ATP6V1H: variants seen among roughly 807,000 people sequenced by gnomAD.
ATP6V1H encodes ATPase H+ transporting V1 subunit H.
Under a neutral mutation model 71.7 loss-of-function variants are expected in ATP6V1H, and 39 were observed. That is an observed-to-expected ratio of 0.54 (90% CI 0.42 to 0.71). ATP6V1H has a LOEUF of 0.71. Ranked by LOEUF, ATP6V1H falls within the 30% of genes least tolerant of loss-of-function variation. The pLI, the probability that ATP6V1H is intolerant of heterozygous loss-of-function variation, is 0.00. For synonymous variants in ATP6V1H, 192 were observed against 199.3 expected (o/e 0.96, Z 0.31); for missense variants, 509 against 594.9 (o/e 0.86, Z 1.50).
intron 13 of ATP6V1H, among the ~76,000 whole-genome samples, chr8:53,734,384 A>G (rs2130142049): frequency 1.3e-5 from 2 of 152,280 alleles, no homozygotes; most frequent in Middle Eastern, 6.8e-3. Context: ...GGAGAAAAAT[A>G]TGCAGGATAT....
rs150724720 is a variant in ATP6V1H at position 53,808,948 on chromosome 8, C to A, written c.579+2216G>T. ...CTTGTTTTATACTGACATCAAGTGG[C>A]AATAATTTGTAATGCAGTTTACCAA... On this transcript the variant is annotated intron_variant, in intron 7 of 13. Coordinates refer to ENST00000359530, the MANE Select transcript of ATP6V1H (RefSeq NM_015941.4). Among the ~76,000 whole-genome samples, 338 of 152,188 alleles carry A rather than the reference C, an allele frequency of 2.2e-3. 2 individuals are homozygous for A. The highest frequency in any genetic ancestry group is 7.9e-3 in the African/African-American group (327 of 41,524).
In ATP6V1H at chr8:53,772,980, CAAGT is replaced by C. The variant is rs775048540; in HGVS notation, c.871-817_871-814del. ...AAACTTGAATTTTTTTTTCTTTTTA[CAAGT>C]AAGTTCTATCCCTAATAATAAGGCT... On this transcript the variant is annotated intron_variant, in intron 9 of 13. Coordinates refer to ENST00000359530, the MANE Select transcript of ATP6V1H (RefSeq NM_015941.4). Among the ~76,000 whole-genome samples, 366 of 138,520 alleles carry C rather than the reference CAAGT, an allele frequency of 2.6e-3. 2 individuals are homozygous for C. Among genetic ancestry groups the C allele is most frequent in the Middle Eastern group, 0.015 (4 of 262 alleles). The allele number at this position is 138,520 out of a possible 152,430, so 90.9% of individuals were successfully genotyped here.
intron 11 of ATP6V1H, among the ~76,000 whole-genome samples, chr8:53,761,752 A>C (rs1387755819): frequency 6.6e-6 from 1 of 152,226 alleles, no homozygotes; most frequent in Non-Finnish European, 1.5e-5. Flanking sequence ...ATTTTCAGTA[A>C]TACACAGAAA....
At chr8:53,729,186 A>G (rs1585722116) in intron 13 of ATP6V1H, among the ~76,000 whole-genome samples, 1 of 150,530 alleles carries the variant, frequency 6.6e-6, no homozygotes, top group South Asian at 2.1e-4. Context: ...TGGCCAGCCC[A>G]GTTTTTGTTG....
intron 13 of ATP6V1H, among the ~76,000 whole-genome samples, chr8:53,733,089 C>T (rs1478765780): frequency 6.6e-6 from 1 of 152,154 alleles, no homozygotes; most frequent in African/African-American, 2.4e-5. Flanking sequence ...TGAAAGAATA[C>T]CCCAGCTTAT....
At chr8:53,773,735 AAC>A (rs1436135713) in intron 9 of ATP6V1H, among the ~76,000 whole-genome samples, 1 of 152,210 alleles carries the variant, frequency 6.6e-6, no homozygotes, top group South Asian at 2.1e-4. Context: ...CAGATACTAG[AAC>A]ACACAGACTT....
At chr8:53,735,422 A>G (rs898311401) in intron 13 of ATP6V1H, among the ~76,000 whole-genome samples, 11 of 152,246 alleles carry the variant, frequency 7.2e-5, no homozygotes, top group Non-Finnish European at 5.9e-5. Context: ...TACCAGCCAC[A>G]AAGTTCAGAA....
chr8:53,734,502 AGGTAAGACT>A (rs1423741598), intron 13 of ATP6V1H, among the ~76,000 whole-genome samples: 3 of 152,024 alleles, frequency 2.0e-5, no homozygotes, highest in Non-Finnish European at 4.4e-5. Context: ...AACTAAGTGT[AGGTAAGACT>A]GTGAACATCT....
intron 9 of ATP6V1H, among the ~76,000 whole-genome samples, chr8:53,791,415 T>C (rs1291527497): frequency 2.6e-5 from 4 of 152,140 alleles, no homozygotes; most frequent in African/African-American, 9.7e-5. Flanking sequence ...GGGCAAAAGA[T>C]CCATTCACAG....
intron 7 of ATP6V1H, among the ~76,000 whole-genome samples, chr8:53,807,460 C>T (rs1329032886): frequency 6.6e-6 from 1 of 151,982 alleles, no homozygotes; most frequent in African/African-American, 2.4e-5. Context: ...AAAACTAAGT[C>T]CTTTTTCCTC....
At chr8:53,719,891 C>A (rs1360899102) in intron 13 of ATP6V1H, among the ~76,000 whole-genome samples, 1 of 152,158 alleles carries the variant, frequency 6.6e-6, no homozygotes, top group African/African-American at 2.4e-5. Context: ...GCAGACACTT[C>A]CTTTTTCATA....
At chr8:53,789,798 T>G (rs141392199) in intron 9 of ATP6V1H, among the ~76,000 whole-genome samples, 1 of 152,136 alleles carries the variant, frequency 6.6e-6, no homozygotes, top group Non-Finnish European at 1.5e-5. Flanking sequence ...TCAAAAAATA[T>G]ATAACATACA....
chr8:53,731,229 G>A (rs904447295), intron 13 of ATP6V1H, among the ~76,000 whole-genome samples: 2 of 152,000 alleles, frequency 1.3e-5, no homozygotes, highest in Admixed American at 6.6e-5. Context: ...GCCTGATCCC[G>A]CCTGTTCCCA....
chr8:53,812,518 A>C (rs1327755351), intron 6 of ATP6V1H, among the ~76,000 whole-genome samples: 1 of 152,204 alleles, frequency 6.6e-6, no homozygotes, highest in East Asian at 1.9e-4. Flanking sequence ...GAGAGGCACA[A>C]TGTATCTGTT....
intron 4 of ATP6V1H, among the ~76,000 whole-genome samples, chr8:53,821,785 T>C (rs1810671585): frequency 6.6e-6 from 1 of 151,948 alleles, no homozygotes; most frequent in South Asian, 2.1e-4. Context: ...CCCACACAGA[T>C]ACAAAACTAC....
chr8:53,774,722 C>G (rs1027097782), intron 9 of ATP6V1H, among the ~76,000 whole-genome samples: 2 of 151,900 alleles, frequency 1.3e-5, no homozygotes, highest in African/African-American at 2.4e-5. Flanking sequence ...AGGAATGGCA[C>G]TAGAAAAATT....
intron 1 of ATP6V1H, 142 bp from the exon 2 acceptor site, chr8:53,841,867 T>C: frequency 1.3e-6 from 1 of 758,550 alleles, no homozygotes; most frequent in South Asian, 2.4e-5. Context: ...AGTCTGAAAG[T>C]ATCATTATAT....
At chr8:53,764,751 A>AG (rs1808392472) in intron 11 of ATP6V1H, among the ~76,000 whole-genome samples, 1 of 152,200 alleles carries the variant, frequency 6.6e-6, no homozygotes. Flanking sequence ...TACATCTATG[A>AG]GTCAGTTGTT....
intron 9 of ATP6V1H, among the ~76,000 whole-genome samples, chr8:53,785,185 C>T (rs10087783): frequency 0.83 from 126,427 of 151,852 alleles, 53,200 homozygotes; most frequent in African/African-American, 0.96. Context: ...CAATCAGACG[C>T]AGATTTGGTC....
Sources: gnomAD v4.1 joint callset for allele counts (sites outside exome capture counted in the v4.1 genomes callset) on GRCh38, gnomAD v4.1.1 for gene constraint, MANE v1.5 for transcripts, NCBI Gene and HGNC (gene_info 2026-07-23, HGNC 2026-07-21) for gene names.